Variants in KCNQ5 observed in about 807,000 individuals in gnomAD.
KCNQ5 encodes the protein potassium voltage-gated channel subfamily KQT member 5.
KCNQ5 carries 30 observed loss-of-function variants against 98.2 expected under a neutral mutation model. That is an observed-to-expected ratio of 0.31 (90% CI 0.23 to 0.41). The LOEUF (loss-of-function observed/expected upper bound fraction) is 0.41. Ranked by LOEUF, KCNQ5 falls within the 10% of genes least tolerant of loss-of-function variation. The probability of loss-of-function intolerance (pLI) is 1.00; values close to 1 mark genes in which losing one functional copy is unlikely to be tolerated. For synonymous variants in KCNQ5, 458 were observed against 449.4 expected, an observed-to-expected ratio of 1.02 and a Z score of -0.24; for missense variants, 835 against 1,182.5, an observed-to-expected ratio of 0.71 and a Z score of 4.31.
intron 1 of KCNQ5, among the ~76,000 whole-genome samples, chr6:72,877,682 AC>A (rs1778471901): frequency 1.3e-5 from 2 of 152,220 alleles, no homozygotes; most frequent in African/African-American, 4.8e-5. Flanking sequence ...ACTCCCACCA[AC>A]AGTGTAAAAG....
intron 1 of KCNQ5, among the ~76,000 whole-genome samples, chr6:72,882,310 C>G (rs1000668070): frequency 6.6e-6 from 1 of 152,124 alleles, no homozygotes; most frequent in Non-Finnish European, 1.5e-5. Flanking sequence ...TCCTGCTGTA[C>G]AAAGAGAGCA....
At chr6:72,986,936 G>A in intron 1 of KCNQ5, 1 of 856,684 alleles carries the variant, frequency 1.2e-6, no homozygotes, top group Non-Finnish European at 1.9e-6. Context: ...GGCAGCCTTG[G>A]GGCAGATAAC....
chr6:72,831,556 A>G (rs559246707), intron 1 of KCNQ5, among the ~76,000 whole-genome samples: 1 of 142,288 alleles, frequency 7.0e-6, no homozygotes, highest in Admixed American at 7.0e-5. Flanking sequence ...AGGAAGCGGA[A>G]CATCACACAC....
At chr6:73,155,906 C>T (rs1210469665) in intron 10 of KCNQ5, among the ~76,000 whole-genome samples, 1 of 152,110 alleles carries the variant, frequency 6.6e-6, no homozygotes, top group Non-Finnish European at 1.5e-5. Flanking sequence ...TTTCTGGGTT[C>T]CTTATTCATG....
At chr6:72,698,493 G>A (rs530668351) in intron 1 of KCNQ5, among the ~76,000 whole-genome samples, 5 of 151,958 alleles carry the variant, frequency 3.3e-5, no homozygotes, top group Admixed American at 6.6e-5. Flanking sequence ...GTGAGCCACC[G>A]CACCTGGCTT....
intron 1 of KCNQ5, among the ~76,000 whole-genome samples, chr6:72,983,728 T>C (rs1768592777): frequency 6.6e-6 from 1 of 152,208 alleles, no homozygotes; most frequent in African/African-American, 2.4e-5. Flanking sequence ...GGTGAGGCGC[T>C]GCGATCCTTT....
At chr6:72,658,578 A>ATATATATATTTTTTT (rs1226386362) in intron 1 of KCNQ5, among the ~76,000 whole-genome samples, 21 of 76,382 alleles carry the variant, frequency 2.7e-4, no homozygotes, top group Non-Finnish European at 4.8e-4. Context: ...ATATATATAT[A>ATATATATATTTTTTT]TTTTTTTTTT....
intron 1 of KCNQ5, among the ~76,000 whole-genome samples, chr6:72,962,427 C>T (rs1023019917): frequency 1.3e-5 from 2 of 151,606 alleles, no homozygotes; most frequent in African/African-American, 2.4e-5. Flanking sequence ...GCACTAAAAT[C>T]CCAGACTTCA....
intron 1 of KCNQ5, among the ~76,000 whole-genome samples, chr6:72,684,359 A>C (rs1459618629): frequency 1.3e-5 from 2 of 152,198 alleles, no homozygotes; most frequent in African/African-American, 4.8e-5. Context: ...TAGTAGAGTG[A>C]GAGCCTACAC....
At chr6:73,133,351 C>T (rs1776315072) in intron 9 of KCNQ5, 70 bp from the exon 10 acceptor site, 2 of 1,362,400 alleles carry the variant, frequency 1.5e-6, no homozygotes, top group Admixed American at 3.6e-5. Flanking sequence ...TGAGCTTCAT[C>T]AAATTACTTA....
intron 1 of KCNQ5, among the ~76,000 whole-genome samples, chr6:72,900,007 T>C (rs568122919): frequency 5.3e-5 from 8 of 152,138 alleles, no homozygotes; most frequent in African/African-American, 1.9e-4. Flanking sequence ...CCTGCTACCT[T>C]TTGTATTTTT....
intron 1 of KCNQ5, among the ~76,000 whole-genome samples, chr6:73,002,158 G>A (rs148138974): frequency 5.9e-5 from 9 of 152,208 alleles, no homozygotes; most frequent in African/African-American, 1.9e-4. Context: ...AAATAAAAAA[G>A]CATGATGAAT....
intron 1 of KCNQ5, among the ~76,000 whole-genome samples, chr6:72,747,604 T>C (rs1771467982): frequency 6.6e-6 from 1 of 152,266 alleles, no homozygotes; most frequent in East Asian, 1.9e-4. Flanking sequence ...TTTTTTATAA[T>C]ACTATACCTA....
At chr6:73,075,067 T>A (rs1409844042) in intron 3 of KCNQ5, among the ~76,000 whole-genome samples, 1 of 152,188 alleles carries the variant, frequency 6.6e-6, no homozygotes, top group African/African-American at 2.4e-5. Context: ...TAACTCTTTT[T>A]ATAAAGTTTT....
At chr6:72,631,942 A>G (rs2098921043) in intron 1 of KCNQ5, among the ~76,000 whole-genome samples, 2 of 152,184 alleles carry the variant, frequency 1.3e-5, no homozygotes, top group South Asian at 4.1e-4. Flanking sequence ...TATTAGTGTT[A>G]TCATCTTCCT....
intron 1 of KCNQ5, among the ~76,000 whole-genome samples, chr6:72,786,559 G>A (rs1773751346): frequency 6.6e-6 from 1 of 152,164 alleles, no homozygotes; most frequent in Admixed American, 6.5e-5. Flanking sequence ...TTCTCCATAT[G>A]AAGTCATTTG....
intron 1 of KCNQ5, among the ~76,000 whole-genome samples, chr6:72,727,130 T>C (rs746231698): frequency 1.8e-4 from 27 of 152,268 alleles, no homozygotes; most frequent in Non-Finnish European, 3.1e-4. Flanking sequence ...ACCATTAATT[T>C]TAAACTGTGA....
At chr6:72,836,438 G>A (rs563474812) in intron 1 of KCNQ5, among the ~76,000 whole-genome samples, 2 of 151,996 alleles carry the variant, frequency 1.3e-5, no homozygotes, top group African/African-American at 4.8e-5. Flanking sequence ...CTCTCTCTGT[G>A]TGTGTATATA....
At chr6:72,880,644 T>C (rs1478129319) in intron 1 of KCNQ5, among the ~76,000 whole-genome samples, 1 of 152,212 alleles carries the variant, frequency 6.6e-6, no homozygotes, top group Non-Finnish European at 1.5e-5. Flanking sequence ...TTAACCCTTT[T>C]GTTGCCCCTG....
Sources: allele counts gnomAD v4.1 joint callset (sites outside exome capture counted in the v4.1 genomes callset), GRCh38; gene constraint gnomAD v4.1.1; transcripts MANE v1.5; gene names NCBI Gene and HGNC (gene_info 2026-07-23, HGNC 2026-07-21).